MAF: variants seen among roughly 807,000 people sequenced by gnomAD.
The protein encoded by MAF is MAF bZIP transcription factor.
A neutral mutation model predicts 22.0 loss-of-function variants in MAF; 10 were observed. The observed-to-expected ratio is 0.45, with a 90% CI of 0.28 to 0.77. The LOEUF (loss-of-function observed/expected upper bound fraction) is 0.77. Ranked by LOEUF, MAF falls within the 30% of genes least tolerant of loss-of-function variation. The pLI is 0.12. For synonymous variants in MAF, 337 were observed against 255.8 expected (o/e 1.32, Z -3.03); for missense variants, 544 against 548.4 (o/e 0.99, Z 0.08).
At chr16:79,545,935 T>C in the MAF span, among the ~76,000 whole-genome samples, 3 of 152,206 alleles carry the variant, frequency 2.0e-5, no homozygotes, top group African/African-American at 7.2e-5. Context: ...GGGTAATGCA[T>C]ATTTTAATTT....
the MAF span, among the ~76,000 whole-genome samples, chr16:79,339,579 G>A: frequency 6.6e-6 from 1 of 152,024 alleles, no homozygotes; most frequent in Non-Finnish European, 1.5e-5. Context: ...AAAATTTTGA[G>A]GTTTGTTTTT....
chr16:79,275,307 T>C, the MAF span, among the ~76,000 whole-genome samples: 92 of 152,286 alleles, frequency 6.0e-4, no homozygotes, highest in Non-Finnish European at 9.8e-4. Flanking sequence ...GATTTTGCCA[T>C]TGCACTCCAG....
At chr16:79,415,550 A>G in the MAF span, among the ~76,000 whole-genome samples, 1 of 152,162 alleles carries the variant, frequency 6.6e-6, no homozygotes, top group African/African-American at 2.4e-5. Flanking sequence ...AGGCTGGCAG[A>G]GATGCTGCCT....
chr16:79,222,125 G>A, the MAF span, among the ~76,000 whole-genome samples: 2 of 151,928 alleles, frequency 1.3e-5, no homozygotes, highest in Non-Finnish European at 1.5e-5. Flanking sequence ...CAGATCTCTC[G>A]GCAGAAACCC....
chr16:79,531,185 G>C, the MAF span, among the ~76,000 whole-genome samples: 2 of 152,188 alleles, frequency 1.3e-5, no homozygotes, highest in Non-Finnish European at 2.9e-5. Flanking sequence ...CCCTTGCCTA[G>C]GTGGTTCAAA....
At chr16:79,454,017 G>A in the MAF span, among the ~76,000 whole-genome samples, 2 of 152,268 alleles carry the variant, frequency 1.3e-5, no homozygotes, top group South Asian at 2.1e-4. Flanking sequence ...TAGCCAAAAT[G>A]TATTGAGATT....
the MAF span, among the ~76,000 whole-genome samples, chr16:79,428,899 T>A: frequency 6.7e-6 from 1 of 149,956 alleles, no homozygotes; most frequent in Non-Finnish European, 1.5e-5. Context: ...AGGACCATCC[T>A]TGAGGTTACC....
the MAF span, among the ~76,000 whole-genome samples, chr16:79,296,373 G>C: frequency 2.0e-5 from 3 of 152,252 alleles, no homozygotes; most frequent in South Asian, 6.2e-4. Context: ...CTGTCGGGGG[G>C]CAGGGTGTAG....
the MAF span, among the ~76,000 whole-genome samples, chr16:79,314,279 C>T: frequency 6.6e-6 from 1 of 152,160 alleles, no homozygotes; most frequent in African/African-American, 2.4e-5. Context: ...GAGGTGACCT[C>T]CTCTTGGCAA....
downstream of MAF, among the ~76,000 whole-genome samples, chr16:79,584,688 G>A (rs181808882): frequency 4.5e-4 from 68 of 152,204 alleles, no homozygotes; most frequent in Admixed American, 2.1e-3. Context: ...ATAAAGCATC[G>A]GAACTGCATG....
chr16:79,478,367 C>A, the MAF span, among the ~76,000 whole-genome samples: 1 of 152,146 alleles, frequency 6.6e-6, no homozygotes, highest in Non-Finnish European at 1.5e-5. Flanking sequence ...TGCTCAAGGT[C>A]AAATGGCCAA....
the MAF span, among the ~76,000 whole-genome samples, chr16:79,509,684 G>GGC: frequency 6.6e-6 from 1 of 152,232 alleles, no homozygotes; most frequent in African/African-American, 2.4e-5. Flanking sequence ...TCACAGTGGG[G>GGC]GCCCAGGGCC....
At chr16:79,250,305 C>T in the MAF span, among the ~76,000 whole-genome samples, 2 of 152,324 alleles carry the variant, frequency 1.3e-5, no homozygotes, top group South Asian at 2.1e-4. Flanking sequence ...TGGTGAAATT[C>T]CCTATTGTGA....
downstream of MAF, among the ~76,000 whole-genome samples, chr16:79,584,300 A>T (rs1057170424): frequency 1.3e-5 from 2 of 152,238 alleles, no homozygotes; most frequent in Non-Finnish European, 2.9e-5. Flanking sequence ...ACATTCTGAA[A>T]ATAAACTAAG....
chr16:79,563,088 G>A, the MAF span, among the ~76,000 whole-genome samples: 18 of 151,110 alleles, frequency 1.2e-4, no homozygotes, highest in African/African-American at 4.1e-4. Flanking sequence ...TATGGAAACA[G>A]ACAGCAGAAC....
At chr16:79,311,177 C>A in the MAF span, among the ~76,000 whole-genome samples, 1 of 152,100 alleles carries the variant, frequency 6.6e-6, no homozygotes, top group African/African-American at 2.4e-5. Flanking sequence ...TCTCTCTGGG[C>A]TCTAAGCTGC....
the MAF span, among the ~76,000 whole-genome samples, chr16:79,388,036 T>G: frequency 3.9e-5 from 6 of 152,202 alleles, no homozygotes; most frequent in Non-Finnish European, 7.3e-5. Context: ...GTCTCAAAAC[T>G]TCCACTGAGT....
the MAF span, among the ~76,000 whole-genome samples, chr16:79,490,169 A>T: frequency 2.6e-5 from 4 of 152,224 alleles, no homozygotes; most frequent in South Asian, 2.1e-4. Flanking sequence ...CCCATCAGGG[A>T]ACCCTAATGT....
the MAF span, among the ~76,000 whole-genome samples, chr16:79,485,328 C>G: frequency 2.0e-5 from 3 of 152,190 alleles, no homozygotes; most frequent in African/African-American, 7.2e-5. Context: ...CAAAGTCATA[C>G]GACAGCGATT....
Sources: gnomAD v4.1 joint callset for allele counts (sites outside exome capture counted in the v4.1 genomes callset) on GRCh38, gnomAD v4.1.1 for gene constraint, MANE v1.5 for transcripts, NCBI Gene and HGNC (gene_info 2026-07-23, HGNC 2026-07-21) for gene names.